Variants in MARCHF4 observed in about 807,000 individuals in gnomAD.
MARCHF4 encodes the protein E3 ubiquitin-protein ligase MARCHF4.
MARCHF4 carries 14 observed loss-of-function variants against 43.9 expected under a neutral mutation model. The observed-to-expected ratio is 0.32, with a 90% CI of 0.21 to 0.50. MARCHF4 has a LOEUF of 0.50. Ranked by LOEUF, MARCHF4 falls within the 20% of genes least tolerant of loss-of-function variation. The pLI is 0.98. For missense variants in MARCHF4, 468 were observed against 536.7 expected, an observed-to-expected ratio of 0.87 and a Z score of 1.27; for synonymous variants, 226 against 213.3, an observed-to-expected ratio of 1.06 and a Z score of -0.52.
intron 3 of MARCHF4, among the ~76,000 whole-genome samples, chr2:216,273,400 C>T (rs563863891): frequency 5.8e-4 from 88 of 152,332 alleles, no homozygotes; most frequent in Non-Finnish European, 1.1e-3. Flanking sequence ...TGAGCCAACA[C>T]AGGGCTAGAC....
At chr2:216,311,200 T>C (rs1691679828) in intron 1 of MARCHF4, among the ~76,000 whole-genome samples, 1 of 152,234 alleles carries the variant, frequency 6.6e-6, no homozygotes, top group South Asian at 2.1e-4. Context: ...GGAAATATTA[T>C]TGGTGAGGGC....
chr2:216,268,911 GC>G (rs984029290), intron 3 of MARCHF4, among the ~76,000 whole-genome samples: 4 of 152,132 alleles, frequency 2.6e-5, no homozygotes, highest in African/African-American at 9.7e-5. Context: ...CAATCCTGCT[GC>G]CCCCATCCTC....
At chr2:216,295,816 T>A (rs956276767) in intron 1 of MARCHF4, among the ~76,000 whole-genome samples, 4 of 152,236 alleles carry the variant, frequency 2.6e-5, no homozygotes, top group Non-Finnish European at 5.9e-5. Context: ...CAGGTGTGGC[T>A]AACAGCCCTG....
intron 1 of MARCHF4, 37 bp downstream of exon 1, chr2:216,369,708 T>C (rs1692721632): frequency 6.6e-7 from 1 of 1,508,860 alleles, no homozygotes; most frequent in Admixed American, 2.1e-5. Flanking sequence ...GACCTGAAAA[T>C]ACCACAGGAA....
intron 3 of MARCHF4, among the ~76,000 whole-genome samples, chr2:216,276,911 A>G (rs940941807): frequency 6.6e-6 from 1 of 152,206 alleles, no homozygotes; most frequent in Non-Finnish European, 1.5e-5. Context: ...GGAAGAAAGG[A>G]AGAATATAAA....
chr2:216,297,675 G>C (rs1331863999), intron 1 of MARCHF4, among the ~76,000 whole-genome samples: 1 of 152,010 alleles, frequency 6.6e-6, no homozygotes, highest in South Asian at 2.1e-4. Context: ...CACCACACCC[G>C]CCTAATGTTT....
chr2:216,331,777 C>G (rs988956390), intron 1 of MARCHF4, among the ~76,000 whole-genome samples: 2 of 151,970 alleles, frequency 1.3e-5, no homozygotes, highest in African/African-American at 4.8e-5. Flanking sequence ...ATTTTAACAC[C>G]CATGAATGAA....
At chr2:216,270,465 T>C (rs1690918461) in intron 3 of MARCHF4, among the ~76,000 whole-genome samples, 1 of 152,070 alleles carries the variant, frequency 6.6e-6, no homozygotes, top group South Asian at 2.1e-4. Context: ...CCTCAACATC[T>C]TCCTCTACGT....
intron 1 of MARCHF4, among the ~76,000 whole-genome samples, chr2:216,334,994 A>G (rs1030971435): frequency 5.3e-5 from 8 of 152,258 alleles, no homozygotes; most frequent in African/African-American, 1.7e-4. Flanking sequence ...TCAAATGGCT[A>G]TGTGCTACTT....
At chr2:216,354,252 G>A (rs1692446985) in intron 1 of MARCHF4, among the ~76,000 whole-genome samples, 1 of 152,192 alleles carries the variant, frequency 6.6e-6, no homozygotes, top group African/African-American at 2.4e-5. Context: ...ACAGGATTAG[G>A]CTGAGTAGGA....
chr2:216,356,086 A>G (rs1015132672), intron 1 of MARCHF4, among the ~76,000 whole-genome samples: 1 of 152,260 alleles, frequency 6.6e-6, no homozygotes, highest in African/African-American at 2.4e-5. Flanking sequence ...TAGAGGGATC[A>G]CCATGGGATA....
intron 1 of MARCHF4, among the ~76,000 whole-genome samples, chr2:216,298,023 T>G (rs868625704): frequency 6.6e-6 from 1 of 152,178 alleles, no homozygotes; most frequent in Middle Eastern, 3.2e-3. Flanking sequence ...TTCAGATGAC[T>G]AGATAGTTAA....
At position 216,342,044 on chromosome 2, in the gene MARCHF4, C is replaced by G. The variant is rs554350404; in HGVS notation, c.516+27701G>C. On this transcript the variant is annotated intron_variant, in intron 1 of 3. Coordinates refer to ENST00000273067, the MANE Select transcript of MARCHF4 (RefSeq NM_020814.3). ...AATTGCCTCATGGGAGGAAGCAGCC[C>G]ATTGATTCTGGATCTTCCCATTTTT... is the stretch of plus-strand genomic sequence containing the variant. 7.2e-5 allele frequency among the ~76,000 whole-genome samples: 11 copies of G among 152,284 alleles called. No individual in the cohort carries two copies. In the East Asian group the frequency reaches 2.1e-3, roughly 29 times the overall value.
intron 1 of MARCHF4, among the ~76,000 whole-genome samples, chr2:216,310,763 G>A (rs534051486): frequency 9.9e-5 from 15 of 152,204 alleles, no homozygotes. Context: ...TCTTCTTACA[G>A]TCACGTTTTT....
chr2:216,328,397 C>T (rs1692030164), intron 1 of MARCHF4, among the ~76,000 whole-genome samples: 1 of 152,180 alleles, frequency 6.6e-6, no homozygotes, highest in African/African-American at 2.4e-5. Context: ...GATCTCCTAA[C>T]CTCGTGATTC....
chr2:216,370,316 G>T lies in MARCHF4; in HGVS notation c.-56C>A. On this transcript the variant is annotated 5_prime_UTR_variant, in exon 1 of 4. Coordinates refer to ENST00000273067, the MANE Select transcript of MARCHF4 (RefSeq NM_020814.3). ...GGTGGCTGGAGTCTTAAAAGAGGGG[G>T]ACAGGACAGGTTTTGGGGGTCCACA... is the stretch of plus-strand genomic sequence containing the variant. 1 of 1,491,172 alleles carries T rather than the reference G, an allele frequency of 6.7e-7. No individual in the cohort carries two copies. The highest frequency in any genetic ancestry group is 2.3e-5 in the Admixed American group (1 of 42,678). The allele number at this position is 1,491,172 out of a possible 1,614,324, so 92.4% of individuals were successfully genotyped here.
chr2:216,270,259 A>T (rs1574459303), intron 3 of MARCHF4, among the ~76,000 whole-genome samples: 2 of 152,116 alleles, frequency 1.3e-5, no homozygotes, highest in South Asian at 2.1e-4. Context: ...AAATTTTTGT[A>T]GAGATGAGGA....
Position 216,370,190 on chromosome 2 carries a change from A to T in MARCHF4, c.71T>A (p.Leu24Ter). The change falls in exon 1 of 4, where the codon TTG becomes TAG. Residue 24 changes from leucine to a stop codon, truncating the protein, a stop_gained. Transcript: ENST00000273067. LOFTEE classifies it high-confidence loss of function. ...CAACATCTGGGGGGCTGGGGCACACAATCCATAGCAGTACCAGCCGGAGCA... is the reference window on the plus strand; with the variant it reads ...CAACATCTGGGGGGCTGGGGCACACTATCCATAGCAGTACCAGCCGGAGCA... Reference protein sequence around the residue: ...CCCSGWYCYGLCAPAPQMLRH... With the variant: ...CCCSGWYCYG 1.2e-6 allele frequency: 2 copies of T among 1,612,988 alleles called. No individual in the cohort carries two copies. Among genetic ancestry groups the T allele is most frequent in the South Asian group, 2.2e-5 (2 of 90,818 alleles).
intron 1 of MARCHF4, among the ~76,000 whole-genome samples, chr2:216,338,924 G>A (rs1055857990): frequency 1.3e-5 from 2 of 152,152 alleles, no homozygotes; most frequent in African/African-American, 4.8e-5. Flanking sequence ...AAGAGAAAAA[G>A]CCAAAGCCAA....
Sources: gnomAD v4.1 joint callset for allele counts (sites outside exome capture counted in the v4.1 genomes callset) on GRCh38, gnomAD v4.1.1 for gene constraint, MANE v1.5 for transcripts, NCBI Gene and HGNC (gene_info 2026-07-23, HGNC 2026-07-21) for gene names.